Variants in RANBP2 observed in about 807,000 individuals in gnomAD.
RANBP2 encodes RAN binding protein 2.
Under a neutral mutation model 303.6 loss-of-function variants are expected in RANBP2, and 57 were observed. The observed-to-expected ratio is 0.19, with a 90% CI of 0.15 to 0.23. RANBP2 has a LOEUF of 0.23. Ranked by LOEUF, RANBP2 falls within the 10% of genes least tolerant of loss-of-function variation. The probability of loss-of-function intolerance (pLI) is 1.00; values close to 1 mark genes in which losing one functional copy is unlikely to be tolerated. For synonymous variants in RANBP2, 1,167 were observed against 1,301.5 expected (o/e 0.90, Z 2.23); for missense variants, 3,138 against 3,780.8 (o/e 0.83, Z 4.46).
At chr2:109,627,544 T>C in the RANBP2 span, among the ~76,000 whole-genome samples, 3 of 152,222 alleles carry the variant, frequency 2.0e-5, no homozygotes, top group Admixed American at 1.3e-4. Context: ...GGAAAGCACA[T>C]ACATTCTGTA....
chr2:109,601,552 T>C, the RANBP2 span, among the ~76,000 whole-genome samples: 1 of 152,206 alleles, frequency 6.6e-6, no homozygotes. Context: ...CAATTCATGT[T>C]TTCCCACTTG....
the RANBP2 span, among the ~76,000 whole-genome samples, chr2:108,948,923 G>C: frequency 6.6e-6 from 1 of 152,114 alleles, no homozygotes. Flanking sequence ...TTCAAGACTG[G>C]TCTGGACAAG....
chr2:109,333,439 TAGTC>T, the RANBP2 span, among the ~76,000 whole-genome samples: 2 of 152,214 alleles, frequency 1.3e-5, no homozygotes, highest in African/African-American at 2.4e-5. Context: ...AGCCTAACCT[TAGTC>T]AGTCATCCTG....
At chr2:108,827,028 T>A in the RANBP2 span, among the ~76,000 whole-genome samples, 1 of 152,208 alleles carries the variant, frequency 6.6e-6, no homozygotes, top group Non-Finnish European at 1.5e-5. Context: ...TGTTCTTAAA[T>A]TCATTTTTGG....
the RANBP2 span, among the ~76,000 whole-genome samples, chr2:109,560,735 C>T: frequency 1.3e-5 from 2 of 152,154 alleles, no homozygotes; most frequent in East Asian, 1.9e-4. Context: ...AAAGCTAGTC[C>T]TCCTTCAGCC....
chr2:108,864,917 T>C, the RANBP2 span, among the ~76,000 whole-genome samples: 1 of 151,456 alleles, frequency 6.6e-6, no homozygotes, highest in East Asian at 2.0e-4. Flanking sequence ...GCTATTAACA[T>C]GCCACTGCAC....
At chr2:109,573,981 A>G in the RANBP2 span, among the ~76,000 whole-genome samples, 2 of 152,326 alleles carry the variant, frequency 1.3e-5, no homozygotes, top group Middle Eastern at 6.8e-3. Flanking sequence ...ATTAGTATCA[A>G]CTAAATTCTG....
At chr2:109,496,610 C>T in the RANBP2 span, among the ~76,000 whole-genome samples, 1 of 152,324 alleles carries the variant, frequency 6.6e-6, no homozygotes, top group East Asian at 1.9e-4. Context: ...ATGTTCACAT[C>T]GGATCAGCTC....
At chr2:109,029,944 A>T in the RANBP2 span, among the ~76,000 whole-genome samples, 1 of 152,206 alleles carries the variant, frequency 6.6e-6, no homozygotes, top group South Asian at 2.1e-4. Flanking sequence ...TTGACTTGAC[A>T]AGGATCCTGG....
chr2:109,351,674 C>G, the RANBP2 span, among the ~76,000 whole-genome samples: 1 of 152,170 alleles, frequency 6.6e-6, no homozygotes, highest in Admixed American at 6.5e-5. Flanking sequence ...AGAGAGTGCC[C>G]GCTGATCATG....
the RANBP2 span, chr2:109,605,632 T>A: frequency 6.6e-6 from 1 of 152,188 alleles, no homozygotes; most frequent in Non-Finnish European, 1.5e-5. Flanking sequence ...TCTGTATAAT[T>A]TTTGTAATCA....
intron 8 of RANBP2, among the ~76,000 whole-genome samples, chr2:108,747,144 G>T (rs1213058039): frequency 1.3e-5 from 2 of 152,166 alleles, no homozygotes; most frequent in Non-Finnish European, 2.9e-5. Flanking sequence ...CACTGCTGTG[G>T]GGATATAAAG....
At chr2:109,174,570 A>G in the RANBP2 span, among the ~76,000 whole-genome samples, 1 of 152,204 alleles carries the variant, frequency 6.6e-6, no homozygotes, top group African/African-American at 2.4e-5. Context: ...GGTGTCTGGA[A>G]TTCCCTCCAT....
the RANBP2 span, among the ~76,000 whole-genome samples, chr2:109,415,944 C>CA: frequency 6.6e-6 from 1 of 152,120 alleles, no homozygotes; most frequent in African/African-American, 2.4e-5. Context: ...TTCCTGGATT[C>CA]ATGGGAGCAG....
the RANBP2 span, chr2:109,567,965 TATA>T: frequency 2.5e-6 from 4 of 1,603,642 alleles, no homozygotes; most frequent in Admixed American, 1.8e-5. Context: ...CAATCACTGG[TATA>T]ATGTTTACCT....
At chr2:109,729,452 G>A in the RANBP2 span, among the ~76,000 whole-genome samples, 2 of 152,120 alleles carry the variant, frequency 1.3e-5, no homozygotes, top group African/African-American at 2.4e-5. Context: ...TTCGAGCCCA[G>A]CCTGGCCAAC....
the RANBP2 span, among the ~76,000 whole-genome samples, chr2:109,114,811 C>T: frequency 1.4e-4 from 21 of 152,198 alleles, no homozygotes; most frequent in Admixed American, 1.4e-3. Context: ...TGAATGTGTC[C>T]CAGAGACTCT....
the RANBP2 span, among the ~76,000 whole-genome samples, chr2:109,190,645 C>G: frequency 6.6e-6 from 1 of 152,124 alleles, no homozygotes; most frequent in African/African-American, 2.4e-5. Flanking sequence ...GAAAATCTTT[C>G]TTATTGTTTC....
the RANBP2 span, among the ~76,000 whole-genome samples, chr2:108,960,401 T>C: frequency 6.6e-6 from 1 of 152,158 alleles, no homozygotes; most frequent in Non-Finnish European, 1.5e-5. Context: ...CCTCTATGGG[T>C]TCACCTGTGG....
Sources: gnomAD v4.1 joint callset for allele counts (sites outside exome capture counted in the v4.1 genomes callset) on GRCh38, gnomAD v4.1.1 for gene constraint, MANE v1.5 for transcripts, NCBI Gene and HGNC (gene_info 2026-07-23, HGNC 2026-07-21) for gene names.